The following HPSE2 variants were observed in gnomAD, a reference collection of about 807,000 sequenced individuals.
HPSE2 encodes heparanase 2 (inactive), also known as inactive heparanase-2.
HPSE2 carries 38 observed loss-of-function variants against 60.5 expected under a neutral mutation model. The ratio of observed to expected loss-of-function variants is 0.63; its 90% CI spans 0.48 to 0.82. The LOEUF (loss-of-function observed/expected upper bound fraction) is 0.82. Ranked by LOEUF, HPSE2 falls within the 40% of genes least tolerant of loss-of-function variation. The pLI is 0.00. For missense variants in HPSE2, 713 were observed against 740.4 expected, an observed-to-expected ratio of 0.96 and a Z score of 0.43; for synonymous variants, 295 against 293.2, an observed-to-expected ratio of 1.01 and a Z score of -0.06.
intron 3 of HPSE2, among the ~76,000 whole-genome samples, chr10:98,756,357 AC>A (rs1300998870): frequency 1.3e-5 from 2 of 152,144 alleles, no homozygotes; most frequent in East Asian, 3.8e-4. Context: ...GATGTGAAAA[AC>A]CATACAAAAT....
chr10:98,979,795 C>T (rs1213305262), intron 3 of HPSE2, among the ~76,000 whole-genome samples: 4 of 152,096 alleles, frequency 2.6e-5, no homozygotes, highest in African/African-American at 9.7e-5. Context: ...AACATCTTCC[C>T]TATTTTCCAA....
At chr10:99,032,060 G>A (rs77796831) in intron 3 of HPSE2, among the ~76,000 whole-genome samples, 2,524 of 152,122 alleles carry the variant, frequency 0.017, 105 homozygotes, top group East Asian at 0.16. Context: ...CATATATCTC[G>A]CTTAAATATA....
the HPSE2 span, among the ~76,000 whole-genome samples, chr10:99,294,372 T>C: frequency 6.8e-6 from 1 of 147,028 alleles, no homozygotes; most frequent in Non-Finnish European, 1.5e-5. Context: ...ATATAGTATA[T>C]AATACATACA....
Position 99,232,255 on chromosome 10 carries a change from A to ACACG in HPSE2, c.448+92_448+93insCGTG, listed in dbSNP as rs1281688759. ...CACACACACACACACACACACACAC[A>ACACG]CGAACACACAGACACACGAACACAC... On this transcript the variant is annotated intron_variant, in intron 2 of 11. Transcript: ENST00000370552. The ACACG allele has an allele frequency of 1.4e-5, 19 of 1,376,406 alleles. 1 individual carries two copies. In the African/African-American group the frequency reaches 2.8e-4, roughly 20 times the overall value. 85.3% of individuals were successfully genotyped at this position (1,376,406 alleles called of 1,614,324 possible).
At chr10:98,571,020 A>G (rs557789630) in intron 9 of HPSE2, among the ~76,000 whole-genome samples, 11 of 152,310 alleles carry the variant, frequency 7.2e-5, no homozygotes, top group Admixed American at 2.6e-4. Context: ...TTCTTTTTAA[A>G]ATATAATTCA....
chr10:99,013,462 A>G, intron 3 of HPSE2: 1 of 435,044 alleles, frequency 2.3e-6, no homozygotes, highest in South Asian at 2.2e-5. Flanking sequence ...AATGTATATT[A>G]TTATGATTAT....
intron 3 of HPSE2, among the ~76,000 whole-genome samples, chr10:99,035,904 T>C (rs1241868869): frequency 6.6e-6 from 1 of 152,210 alleles, no homozygotes; most frequent in East Asian, 1.9e-4. Flanking sequence ...AACATCCAGA[T>C]AGTGGTCTCT....
chr10:99,175,710 C>T (rs1847498492), intron 2 of HPSE2, among the ~76,000 whole-genome samples: 1 of 152,220 alleles, frequency 6.6e-6, no homozygotes, highest in Non-Finnish European at 1.5e-5. Context: ...CAGACTTAAA[C>T]GTTCCTGCCT....
chr10:98,917,943 G>T (rs998670988), intron 3 of HPSE2, among the ~76,000 whole-genome samples: 1 of 152,136 alleles, frequency 6.6e-6, no homozygotes, highest in Non-Finnish European at 1.5e-5. Flanking sequence ...TCAGGTACAG[G>T]TTATACAGAA....
intron 9 of HPSE2, among the ~76,000 whole-genome samples, chr10:98,540,441 A>C (rs561007195): frequency 3.5e-4 from 54 of 152,356 alleles, no homozygotes; most frequent in African/African-American, 1.3e-3. Context: ...AGGACCCTAA[A>C]GATGTAGTAG....
At chr10:99,207,288 A>T (rs962468647) in intron 2 of HPSE2, among the ~76,000 whole-genome samples, 1 of 152,188 alleles carries the variant, frequency 6.6e-6, no homozygotes, top group African/African-American at 2.4e-5. Flanking sequence ...CCAATCATAG[A>T]TACCGTACCC....
intron 3 of HPSE2, among the ~76,000 whole-genome samples, chr10:98,925,771 A>C (rs1350086074): frequency 6.6e-6 from 1 of 152,126 alleles, no homozygotes; most frequent in African/African-American, 2.4e-5. Context: ...GTCTTGCTAG[A>C]TTGGTCCTTT....
At chr10:98,476,491 A>G (rs1047449316) in intron 11 of HPSE2, among the ~76,000 whole-genome samples, 30 of 144,792 alleles carry the variant, frequency 2.1e-4, no homozygotes, top group African/African-American at 7.9e-4. Flanking sequence ...AAAGAAAAAG[A>G]AAAAAAAAAG....
At chr10:98,685,680 T>C (rs1376219597) in intron 6 of HPSE2, among the ~76,000 whole-genome samples, 6 of 152,210 alleles carry the variant, frequency 3.9e-5, no homozygotes, top group Non-Finnish European at 8.8e-5. Context: ...TTACAAATTT[T>C]TGCCTATTAA....
intron 8 of HPSE2, among the ~76,000 whole-genome samples, chr10:98,616,728 G>A (rs935935309): frequency 1.3e-5 from 2 of 152,182 alleles, no homozygotes; most frequent in African/African-American, 4.8e-5. Flanking sequence ...AAATCTGACT[G>A]TAATATAGTA....
intron 2 of HPSE2, among the ~76,000 whole-genome samples, chr10:99,183,510 G>C (rs928273824): frequency 6.6e-6 from 1 of 152,192 alleles, no homozygotes; most frequent in African/African-American, 2.4e-5. Context: ...AAACTCACAA[G>C]ATCACCACAC....
At chr10:99,312,402 T>C in the HPSE2 span, among the ~76,000 whole-genome samples, 4 of 152,354 alleles carry the variant, frequency 2.6e-5, no homozygotes, top group Middle Eastern at 3.4e-3. Context: ...CCAGCACTCA[T>C]TTACCATTCC....
intron 9 of HPSE2, among the ~76,000 whole-genome samples, chr10:98,550,280 A>G (rs992069435): frequency 2.6e-5 from 3 of 117,202 alleles, no homozygotes; most frequent in African/African-American, 8.9e-5. Context: ...ATCCTTATTA[A>G]TGCTTAGCAT....
At chr10:98,979,641 C>A (rs1018982229) in intron 3 of HPSE2, among the ~76,000 whole-genome samples, 1 of 152,138 alleles carries the variant, frequency 6.6e-6, no homozygotes, top group African/African-American at 2.4e-5. Context: ...AAAAATGTGA[C>A]CAGAAACTTA....
Sources: gnomAD v4.1 joint callset for allele counts (sites outside exome capture counted in the v4.1 genomes callset) on GRCh38, gnomAD v4.1.1 for gene constraint, MANE v1.5 for transcripts, NCBI Gene and HGNC (gene_info 2026-07-23, HGNC 2026-07-21) for gene names.